ADGRF1: variants seen among roughly 807,000 people sequenced by gnomAD.
The protein encoded by ADGRF1 is G protein-coupled receptor 110.
ADGRF1 carries 85 observed loss-of-function variants against 87.2 expected under a neutral mutation model. The observed-to-expected ratio is 0.97, with a 90% CI of 0.82 to 1.17. ADGRF1 has a LOEUF of 1.17. Among genes scored for constraint, ADGRF1 ranks in the 50% most tolerant of loss-of-function variants. The pLI is 0.00. For synonymous variants in ADGRF1, 430 were observed against 408.8 expected, an observed-to-expected ratio of 1.05 and a Z score of -0.63; for missense variants, 1,169 against 1,077.2, an observed-to-expected ratio of 1.09 and a Z score of -1.19.
intron 7 of ADGRF1, chr6:47,018,082 G>A (rs955950580): frequency 1.9e-5 from 4 of 212,308 alleles, no homozygotes. Flanking sequence ...GGGAGAGTCA[G>A]AGGATTCCCA....
intron 5 of ADGRF1, among the ~76,000 whole-genome samples, chr6:47,023,411 A>C (rs1780127002): frequency 6.6e-6 from 1 of 152,212 alleles, no homozygotes; most frequent in Non-Finnish European, 1.5e-5. Context: ...GCTTCCAGTT[A>C]ACTGGAGTAA....
At position 47,009,915 on chromosome 6, in the gene ADGRF1, G is replaced by T; in HGVS notation, c.1520C>A (p.Ser507Tyr). The part of the protein sequence containing the change: ...GNAQVNGPVI[S>Y]TVIQNYSINE... ...TATGGAATAGTTTTGAATAACCGTG[G>T]ATATCACAGGTCCATTGACCTGAGC... Residue 507 changes from serine (S) to tyrosine (Y), a missense_variant, in exon 11 of 15, where the codon TCC (serine) becomes TAC (tyrosine). Ser to Tyr is a moderately radical substitution (Grantham distance 144). Transcript: ENST00000371253. 1 of 1,614,144 alleles carries T rather than the reference G, an allele frequency of 6.2e-7. No homozygotes were observed. The highest frequency in any genetic ancestry group is 1.1e-5 in the South Asian group (1 of 91,082).
At chr6:47,005,546 A>G (rs1779499950) in intron 13 of ADGRF1, among the ~76,000 whole-genome samples, 1 of 152,212 alleles carries the variant, frequency 6.6e-6, no homozygotes, top group Non-Finnish European at 1.5e-5. Flanking sequence ...CCATTGTTCA[A>G]AAGTATTCAC....
chr6:47,035,014 A>T (rs1457347422), intron 1 of ADGRF1, among the ~76,000 whole-genome samples: 3 of 152,094 alleles, frequency 2.0e-5, no homozygotes, highest in African/African-American at 7.2e-5. Flanking sequence ...TTCACTCAGG[A>T]TGATTTGTTG....
At position 47,009,520 on chromosome 6, in the gene ADGRF1, C is replaced by T. The variant is rs757994346; in HGVS notation, c.1915G>A (p.Val639Ile). 6.2e-7 allele frequency: 1 copy of T among 1,614,086 alleles called. No homozygotes were observed. The highest frequency in any genetic ancestry group is 2.2e-5 in the East Asian group (1 of 44,856). ...NIALSLLIAD[V>I]WFIVGATVDT... ...ACTGTGGCACCAACAATAAACCAGA[C>T]ATCAGCAATCAAGAGGGACAGGGCT... The change falls in exon 11 of 15, where the codon GTC becomes ATC. Residue 639 changes from valine (V) to isoleucine (I), a missense_variant. Transcript: ENST00000371253.
chr6:47,022,293 G>A (rs1033106369), intron 5 of ADGRF1, among the ~76,000 whole-genome samples: 1 of 152,210 alleles, frequency 6.6e-6, no homozygotes, highest in Non-Finnish European at 1.5e-5. Flanking sequence ...AACCTTAAAA[G>A]TAGGTAAATG....
chr6:47,030,183 T>G (rs1461290741), intron 1 of ADGRF1, among the ~76,000 whole-genome samples: 1 of 152,128 alleles, frequency 6.6e-6, no homozygotes, highest in Non-Finnish European at 1.5e-5. Context: ...AGAAAAGGCA[T>G]TAGAGACAGG....
At chr6:47,023,321 C>T (rs1325515395) in intron 5 of ADGRF1, among the ~76,000 whole-genome samples, 1 of 152,144 alleles carries the variant, frequency 6.6e-6, no homozygotes, top group Non-Finnish European at 1.5e-5. Context: ...TTGCTGTAGT[C>T]CCAGGAAGGA....
chr6:47,012,148 G>A lies in ADGRF1; in HGVS notation c.975C>T (p.Ser325=). The change falls in exon 10 of 15, where the codon TCC becomes TCT. Residue 325 remains serine (S), a synonymous_variant. Transcript: ENST00000371253. ...TGATGACAGAAAGATTTTGCACGAAGGATGACACAGCTGCCTCAGTGGCAT... is the reference window on the plus strand; with the variant it reads ...TGATGACAGAAAGATTTTGCACGAAAGATGACACAGCTGCCTCAGTGGCAT... ...VGNATEAAVS[S]FVQNLSVIIR... The A allele has an allele frequency of 6.2e-7, 1 of 1,613,994 alleles. No individual in the cohort carries two copies. The highest frequency in any genetic ancestry group is 1.7e-5 in the Admixed American group (1 of 60,014).
chr6:47,035,373 A>G (rs1780559826), intron 1 of ADGRF1, among the ~76,000 whole-genome samples: 3 of 152,168 alleles, frequency 2.0e-5, no homozygotes, highest in Admixed American at 2.0e-4. Context: ...AAGTCCAGAT[A>G]ATTTGAGCTT....
intron 2 of ADGRF1, among the ~76,000 whole-genome samples, chr6:47,028,050 G>C (rs924686960): frequency 6.6e-6 from 1 of 152,148 alleles, no homozygotes; most frequent in Non-Finnish European, 1.5e-5. Flanking sequence ...GAGGCAGGTT[G>C]TGCAGACCTT....
intron 10 of ADGRF1, among the ~76,000 whole-genome samples, chr6:47,011,453 T>G (rs1013401725): frequency 5.3e-5 from 8 of 152,218 alleles, no homozygotes; most frequent in African/African-American, 1.9e-4. Flanking sequence ...TATATATCAC[T>G]TGTCATTCTT....
At chr6:47,014,436 C>T in intron 9 of ADGRF1, 1 of 1,233,278 alleles carries the variant, frequency 8.1e-7, no homozygotes, top group Non-Finnish European at 1.0e-6. Context: ...CACTCCTCCA[C>T]AACACCTCTG....
At chr6:47,028,428 C>T (rs919065134) in intron 2 of ADGRF1, among the ~76,000 whole-genome samples, 1 of 152,128 alleles carries the variant, frequency 6.6e-6, no homozygotes, top group Non-Finnish European at 1.5e-5. Flanking sequence ...ATAGTGATAC[C>T]ACTTGCTGAG....
chr6:47,025,319 A>G (rs570532712), intron 4 of ADGRF1, among the ~76,000 whole-genome samples: 29 of 152,298 alleles, frequency 1.9e-4, no homozygotes, highest in Non-Finnish European at 4.1e-4. Flanking sequence ...AAGAATTTGC[A>G]TTTTTGCTAA....
chr6:47,008,198 C>G (rs569256412), intron 11 of ADGRF1, among the ~76,000 whole-genome samples: 70 of 152,316 alleles, frequency 4.6e-4, no homozygotes, highest in Non-Finnish European at 8.8e-4. Context: ...TTAACCACCA[C>G]TTCCCTGAGT....
At chr6:47,030,054 TAC>T (rs1018352544) in intron 1 of ADGRF1, among the ~76,000 whole-genome samples, 1 of 152,168 alleles carries the variant, frequency 6.6e-6, no homozygotes, top group Admixed American at 6.5e-5. Flanking sequence ...CAGTCCAGAG[TAC>T]ACAGAGTAGG....
intron 3 of ADGRF1, 39 bp downstream of exon 3, chr6:47,027,662 ACAC>A (rs758620611): frequency 1.4e-6 from 2 of 1,414,500 alleles, no homozygotes; most frequent in Non-Finnish European, 2.0e-6. Flanking sequence ...TGGTCCCTTG[ACAC>A]CAAAATCCAC....
rs1780157277 is a variant in ADGRF1, at chr6:47,024,199, C to T, written c.296G>A (p.Gly99Glu). Residue 99 changes from glycine to glutamate, a missense_variant, in exon 5 of 15, where the codon GGA becomes GAA. Transcript: ENST00000371253. ...KATTDCNSLN[G>E]VLQCTCEDSY... ...GTCTTCACAGGTACACTGCAGGACT[C>T]CATTCAGGCTGTTGCAGTCTGCACA... 1 of 1,613,654 alleles carries T rather than the reference C, an allele frequency of 6.2e-7. No homozygotes were observed. The highest frequency in any genetic ancestry group is 1.3e-5 in the African/African-American group (1 of 75,036).
Sources: gnomAD v4.1 joint callset for allele counts (sites outside exome capture counted in the v4.1 genomes callset) on GRCh38, gnomAD v4.1.1 for gene constraint, MANE v1.5 for transcripts, NCBI Gene and HGNC (gene_info 2026-07-23, HGNC 2026-07-21) for gene names.